The following TP73 variants were observed in gnomAD, a reference collection of about 807,000 sequenced individuals.
The protein encoded by TP73 is tumor protein p73, also known as p53-like transcription factor.
A neutral mutation model predicts 62.5 loss-of-function variants in TP73; 25 were observed. The ratio of observed to expected loss-of-function variants is 0.40; its 90% CI spans 0.29 to 0.56. The LOEUF (loss-of-function observed/expected upper bound fraction) is 0.56. Among genes scored for constraint, TP73 ranks in the 20% least tolerant of loss-of-function variants. TP73 has a pLI of 0.46. For synonymous variants in TP73, 423 were observed against 377.5 expected (o/e 1.12, Z -1.40); for missense variants, 754 against 913.3 (o/e 0.83, Z 2.25).
Position 3,709,118 on chromosome 1 carries a change from G to T in TP73, c.429+1327G>T, listed in dbSNP as rs3765755. Among the ~76,000 whole-genome samples the T allele has an allele frequency of 7.5e-4, 114 of 152,186 alleles. 5 individuals are homozygous for T. The South Asian group carries it at 0.019, about 25-fold the overall frequency. On this transcript the variant is annotated intron_variant, in intron 4 of 13. Transcript: ENST00000378295. ...CTGCAGGTAGCCGGACAGTCCTGCCGGGCTGGTCTGGGGTCTGGGTTCCAG... is the reference window on the plus strand; with the variant it reads ...CTGCAGGTAGCCGGACAGTCCTGCCTGGCTGGTCTGGGGTCTGGGTTCCAG...
chr1:3,674,303 A>G (rs933209130), intron 1 of TP73, among the ~76,000 whole-genome samples: 39 of 152,174 alleles, frequency 2.6e-4, no homozygotes, highest in African/African-American at 8.4e-4. Context: ...GCCACGGCCC[A>G]GGAGAGAGAG....
chr1:3,673,378 T>C (rs978355196), intron 1 of TP73, among the ~76,000 whole-genome samples: 1 of 152,174 alleles, frequency 6.6e-6, no homozygotes, highest in African/African-American at 2.4e-5. Flanking sequence ...CACCACCTGA[T>C]ACTAAATAAC....
intron 4 of TP73, among the ~76,000 whole-genome samples, chr1:3,719,654 G>A (rs1223366133): frequency 6.6e-6 from 1 of 152,222 alleles, no homozygotes; most frequent in African/African-American, 2.4e-5. Context: ...CCTGGGGGCA[G>A]GGCTACCTGC....
chr1:3,704,956 G>A (rs77771704), intron 3 of TP73, among the ~76,000 whole-genome samples: 1,544 of 152,326 alleles, frequency 0.01, 12 homozygotes, highest in African/African-American at 0.017. Flanking sequence ...TCTCTGAGGG[G>A]GGCAGTGGCT....
chr1:3,664,701 A>G (rs1314072737), intron 1 of TP73, among the ~76,000 whole-genome samples: 1 of 152,138 alleles, frequency 6.6e-6, no homozygotes, highest in Non-Finnish European at 1.5e-5. Context: ...AGTGTGGGTC[A>G]TTCCTGACTG....
chr1:3,715,442 G>C (rs192513608), intron 4 of TP73, among the ~76,000 whole-genome samples: 6 of 152,292 alleles, frequency 3.9e-5, no homozygotes, highest in Non-Finnish European at 8.8e-5. Flanking sequence ...CAGTGACAAA[G>C]GGCTGGGAGA....
At chr1:3,671,083 T>G (rs1342541980) in intron 1 of TP73, among the ~76,000 whole-genome samples, 1 of 152,140 alleles carries the variant, frequency 6.6e-6, no homozygotes, top group East Asian at 1.9e-4. Context: ...GCCATGCTGG[T>G]CAGAGTGGGG....
chr1:3,714,118 C>T (rs938677435), intron 4 of TP73: 6 of 152,202 alleles, frequency 3.9e-5, no homozygotes, highest in Admixed American at 3.9e-4. Context: ...CCAAAATTCT[C>T]CTTCCCCCAG....
intron 13 of TP73, 48 bp from the exon 14 acceptor site, chr1:3,732,699 T>C (rs1642226671): frequency 6.6e-7 from 1 of 1,509,786 alleles, no homozygotes; most frequent in African/African-American, 1.4e-5. Context: ...CCCCCCCTGC[T>C]CTCCCTGCTC....
intron 6 of TP73, among the ~76,000 whole-genome samples, chr1:3,725,555 GGGGTGGGTGGGTGAATGGATGGAT>G (rs1360631091): frequency 9.3e-5 from 13 of 140,204 alleles, no homozygotes; most frequent in Non-Finnish European, 1.1e-4. Context: ...GCGGATGGAT[GGGGTGGGTGGGTGAATGGATGGAT>G]GGGTGGGTGG....
rs570330681 is a variant in TP73 at position 3,727,274 on chromosome 1, G to A, written c.842+50G>A. 44 of 1,539,452 alleles carry A rather than the reference G, an allele frequency of 2.9e-5. No individual in the cohort carries two copies. The Middle Eastern group carries it at 6.8e-4, about 24-fold the overall frequency. On this transcript the variant is annotated intron_variant, in intron 7 of 13. Transcript: ENST00000378295. ...AGGTGGGACAGGGCTGGGCAGGCAC[G>A]GCCGGGGGAGAAGGGGAGCTGTCAT...
chr1:3,721,142 G>A (rs1475981032), intron 4 of TP73, among the ~76,000 whole-genome samples: 5 of 152,234 alleles, frequency 3.3e-5, no homozygotes, highest in Admixed American at 1.3e-4. Context: ...CCCCTGCAGC[G>A]GCCTCAGCGG....
chr1:3,719,841 G>A (rs948063243), intron 4 of TP73, among the ~76,000 whole-genome samples: 1 of 152,022 alleles, frequency 6.6e-6, no homozygotes, highest in Non-Finnish European at 1.5e-5. Flanking sequence ...CCCGCACAGG[G>A]GTGGGCTGCT....
chr1:3,673,220 C>T (rs1645283597), intron 1 of TP73, among the ~76,000 whole-genome samples: 1 of 152,182 alleles, frequency 6.6e-6, no homozygotes, highest in African/African-American at 2.4e-5. Flanking sequence ...GGGTGAGACA[C>T]GCGTGCTGAC....
At chr1:3,671,954 C>A (rs964302014) in intron 1 of TP73, among the ~76,000 whole-genome samples, 1 of 152,084 alleles carries the variant, frequency 6.6e-6, no homozygotes, top group African/African-American at 2.4e-5. Flanking sequence ...AGGAAGGGAA[C>A]ACGCCAGGAG....
intron 3 of TP73, among the ~76,000 whole-genome samples, chr1:3,705,561 C>G (rs1351924890): frequency 6.6e-6 from 1 of 152,232 alleles, no homozygotes; most frequent in African/African-American, 2.4e-5. Context: ...AGCCAGGGCA[C>G]GGGTCGCCCC....
At position 3,663,238 on chromosome 1, in the gene TP73, A is replaced by G. The variant is rs1353053946; in HGVS notation, c.-34+10597A>G. Among the ~76,000 whole-genome samples the G allele has an allele frequency of 6.6e-6, 1 of 152,186 alleles. No homozygotes were observed. The highest frequency in any genetic ancestry group is 2.4e-5 in the African/African-American group (1 of 41,446). Reference sequence around the variant, plus strand: ...AGGTTAACAAGAGGACCCTCTGCCTATCACGAGCCTGGTGGCTGCCGTACC... The same window carrying G: ...AGGTTAACAAGAGGACCCTCTGCCTGTCACGAGCCTGGTGGCTGCCGTACC... On this transcript the variant is annotated intron_variant, in intron 1 of 13. Coordinates refer to ENST00000378295, the MANE Select transcript of TP73 (RefSeq NM_005427.4). The surrounding 1 kb of genome is among the most constrained non-coding windows in gnomAD (Gnocchi z 4.7).
At chr1:3,691,552 C>T (rs1303637862) in intron 3 of TP73, among the ~76,000 whole-genome samples, 3 of 152,114 alleles carry the variant, frequency 2.0e-5, no homozygotes, top group Non-Finnish European at 4.4e-5. Context: ...GGGCTGCTGG[C>T]TTGGAAGAGG....
chr1:3,688,035 C>T (rs999023902), intron 3 of TP73, among the ~76,000 whole-genome samples: 4 of 152,110 alleles, frequency 2.6e-5, no homozygotes, highest in Non-Finnish European at 5.9e-5. Flanking sequence ...ATGTGTGGCC[C>T]CCAGGAAAGG....
Sources: allele counts gnomAD v4.1 joint callset (sites outside exome capture counted in the v4.1 genomes callset), GRCh38; gene constraint gnomAD v4.1.1; non-coding constraint Gnocchi (gnomAD v3.1); transcripts MANE v1.5; gene names NCBI Gene and HGNC (gene_info 2026-07-23, HGNC 2026-07-21).